PSMA1: variants seen among roughly 807,000 people sequenced by gnomAD.
PSMA1 encodes proteasome subunit alpha type-1.
A neutral mutation model predicts 38.4 loss-of-function variants in PSMA1; 3 were observed. The observed-to-expected ratio is 0.08, with a 90% CI of 0.04 to 0.20. The LOEUF (loss-of-function observed/expected upper bound fraction) is 0.20, where lower values mean the gene tolerates loss of function less well. Among genes scored for constraint, PSMA1 ranks in the 10% least tolerant of loss-of-function variants. The probability of loss-of-function intolerance (pLI) is 1.00; values close to 1 mark genes in which losing one functional copy is unlikely to be tolerated. For missense variants in PSMA1, 227 were observed against 325.3 expected, an observed-to-expected ratio of 0.70 and a Z score of 2.32; for synonymous variants, 101 against 107.1, an observed-to-expected ratio of 0.94 and a Z score of 0.35.
At chr11:14,517,829 G>C (rs1250203515) in intron 3 of PSMA1, 51 bp downstream of exon 3, 1 of 1,511,280 alleles carries the variant, frequency 6.6e-7, no homozygotes, top group Non-Finnish European at 9.0e-7. Flanking sequence ...TTTCTATGGT[G>C]AAATTTACAT....
chr11:14,519,337 C>A (rs1033481764), intron 1 of PSMA1: 4 of 437,738 alleles, frequency 9.1e-6, no homozygotes, highest in African/African-American at 6.1e-5. Flanking sequence ...AACTTTCTTG[C>A]CTATTTTTGC....
At chr11:14,518,877 C>G (rs1418467556) in intron 2 of PSMA1, 120 bp downstream of exon 2, 8 of 812,898 alleles carry the variant, frequency 9.8e-6, no homozygotes, top group Non-Finnish European at 1.5e-5. Flanking sequence ...AATGCAACTT[C>G]CAAGAACGTC....
intron 2 of PSMA1, among the ~76,000 whole-genome samples, chr11:14,558,249 CA>C (rs35509045): frequency 0.082 from 6,368 of 77,808 alleles, 78 homozygotes; most frequent in Non-Finnish European, 0.094. Flanking sequence ...CCCATCTGCA[CA>C]AAAAAAAAAA....
At chr11:14,626,400 T>C (rs910815957) in intron 1 of PSMA1, among the ~76,000 whole-genome samples, 12 of 152,248 alleles carry the variant, frequency 7.9e-5, no homozygotes, top group Non-Finnish European at 1.6e-4. Context: ...ATTACCGTTT[T>C]GGCACATCTC....
At chr11:14,532,643 T>C (rs1851660362) in intron 2 of PSMA1, among the ~76,000 whole-genome samples, 1 of 140,724 alleles carries the variant, frequency 7.1e-6, no homozygotes, top group Non-Finnish European at 1.5e-5. Flanking sequence ...TGAAGATTTT[T>C]TTTCAATAAA....
At chr11:14,507,413 G>A (rs1007203602) in intron 9 of PSMA1, among the ~76,000 whole-genome samples, 7 of 151,996 alleles carry the variant, frequency 4.6e-5, no homozygotes, top group East Asian at 1.9e-4. Context: ...TGATTCACCC[G>A]CCTCGGCCTC....
chr11:14,519,054 G>GA lies in PSMA1; in HGVS notation c.4-14dup, dbSNP rs1851480885. 9 of 1,548,864 alleles carry GA rather than the reference G, an allele frequency of 5.8e-6. No individual in the cohort carries two copies. Among genetic ancestry groups the GA allele is most frequent in the African/African-American group, 4.1e-5 (3 of 72,412 alleles). ...ACTGATTTCGAAACTAAAAGTAAAA[G>GA]AAAAAAATACCTGTTAATAGAAGAA... is the stretch of plus-strand genomic sequence containing the variant. On this transcript the variant is annotated splice_polypyrimidine_tract_variant and intron_variant, in intron 1 of 9. Transcript: ENST00000396394.
chr11:14,519,952 G>A (rs1851499331), intron 1 of PSMA1: 1 of 308,292 alleles, frequency 3.2e-6, no homozygotes, highest in Non-Finnish European at 6.0e-6. Flanking sequence ...TCCAAGTCAA[G>A]TCTCTGTCTT....
intron 2 of PSMA1, among the ~76,000 whole-genome samples, chr11:14,604,689 A>G (rs917359214): frequency 1.3e-5 from 2 of 152,132 alleles, no homozygotes; most frequent in African/African-American, 4.8e-5. Context: ...AGTACCTAAT[A>G]GTTTTTCAAC....
At chr11:14,613,221 C>A (rs913432438) in intron 1 of PSMA1, among the ~76,000 whole-genome samples, 2 of 148,960 alleles carry the variant, frequency 1.3e-5, no homozygotes, top group Non-Finnish European at 1.5e-5. Context: ...AGTTAAAAAT[C>A]AATTTTTTTT....
upstream of PSMA1, among the ~76,000 whole-genome samples, chr11:14,523,908 A>C (rs546792020): frequency 4.7e-4 from 72 of 151,884 alleles, no homozygotes; most frequent in Non-Finnish European, 9.3e-4. Flanking sequence ...AGCATTAATC[A>C]GAAGCTGAAA....
intron 2 of PSMA1, among the ~76,000 whole-genome samples, chr11:14,531,498 T>C (rs188072739): frequency 6.6e-6 from 1 of 152,342 alleles, no homozygotes; most frequent in East Asian, 1.9e-4. Flanking sequence ...GGTCTCATTC[T>C]GTCTCCCAGG....
chr11:14,517,769 TAA>T (rs59770964), intron 3 of PSMA1, 24 bp from the exon 4 acceptor site: 174,658 of 1,250,552 alleles, frequency 0.14, 3 homozygotes, highest in South Asian at 0.17. Context: ...TTATAAGATG[TAA>T]AAAAAAAAAA....
chr11:14,554,007 G>T (rs1851916101), intron 2 of PSMA1, among the ~76,000 whole-genome samples: 1 of 152,096 alleles, frequency 6.6e-6, no homozygotes, highest in South Asian at 2.1e-4. Flanking sequence ...ATCCTAATAG[G>T]TATATAATGA....
At chr11:14,625,365 T>C (rs541427753) in intron 1 of PSMA1, among the ~76,000 whole-genome samples, 1 of 152,254 alleles carries the variant, frequency 6.6e-6, no homozygotes, top group East Asian at 1.9e-4. Flanking sequence ...GGAGAATCAC[T>C]TGAACCCGGG....
At chr11:14,513,908 T>C (rs200199063) in intron 5 of PSMA1, 21 bp from the exon 6 acceptor site, 3 of 1,574,062 alleles carry the variant, frequency 1.9e-6, no homozygotes, top group Non-Finnish European at 2.6e-6. Context: ...TTAACGAGCT[T>C]GTTTTAACAA....
chr11:14,557,248 C>CT (rs922412558), intron 2 of PSMA1, among the ~76,000 whole-genome samples: 42 of 151,836 alleles, frequency 2.8e-4, no homozygotes, highest in East Asian at 5.8e-4. Flanking sequence ...TTTAATTTTT[C>CT]TTTTTTTTGA....
chr11:14,634,705 A>G (rs1005476254), intron 1 of PSMA1, among the ~76,000 whole-genome samples: 3 of 152,228 alleles, frequency 2.0e-5, no homozygotes, highest in Admixed American at 6.5e-5. Context: ...AGGGGCTGGT[A>G]GTATACAAGA....
At position 14,505,354 on chromosome 11, in the gene PSMA1, G is replaced by A. The variant is rs1851228535; in HGVS notation, c.736-106C>T. ...TTAAAAATTGAGAAAAAGGGGTAAA[G>A]AGATATTCTGAATACTCAGTTTTAG... On this transcript the variant is annotated intron_variant, in intron 9 of 9. Transcript: ENST00000396394. 4.3e-5 allele frequency: 41 copies of A among 948,704 alleles called. 1 individual carries two copies. In the South Asian group the frequency reaches 5.3e-4, roughly 12 times the overall value. The allele number at this position is 948,704 out of a possible 1,614,324, so 58.8% of individuals were successfully genotyped here.
Sources: allele counts gnomAD v4.1 joint callset (sites outside exome capture counted in the v4.1 genomes callset), GRCh38; gene constraint gnomAD v4.1.1; transcripts MANE v1.5; gene names NCBI Gene and HGNC (gene_info 2026-07-23, HGNC 2026-07-21).